The following NRXN3 variants were observed in gnomAD, a reference collection of about 807,000 sequenced individuals.
NRXN3 encodes the protein neurexin III.
NRXN3 carries 32 observed loss-of-function variants against 137.6 expected under a neutral mutation model. The ratio of observed to expected loss-of-function variants is 0.23; its 90% confidence interval spans 0.18 to 0.31. NRXN3 has a LOEUF of 0.31. Among genes scored for constraint, NRXN3 ranks in the 10% least tolerant of loss-of-function variants. NRXN3 has a pLI of 1.00. For synonymous variants in NRXN3, 798 were observed against 784.5 expected (o/e 1.02, Z -0.29); for missense variants, 1,574 against 2,062.5 (o/e 0.76, Z 4.59).
At chr14:78,402,762 A>C (rs1373286381) in intron 4 of NRXN3, among the ~76,000 whole-genome samples, 1 of 152,196 alleles carries the variant, frequency 6.6e-6, no homozygotes, top group African/African-American at 2.4e-5. Flanking sequence ...CATTTCTAAA[A>C]TGGAGAGAAT....
chr14:79,762,200 A>C (rs1272691552), intron 19 of NRXN3, among the ~76,000 whole-genome samples: 2 of 151,646 alleles, frequency 1.3e-5, no homozygotes, highest in South Asian at 2.1e-4. Context: ...CAGTATTAGA[A>C]AAATTGCTAG....
At chr14:79,592,520 T>C (rs2097816023) in intron 16 of NRXN3, among the ~76,000 whole-genome samples, 1 of 152,184 alleles carries the variant, frequency 6.6e-6, no homozygotes, top group African/African-American at 2.4e-5. Flanking sequence ...ATAAAAAGAC[T>C]TTTTCTTTGT....
chr14:79,610,613 T>G (rs1310446740), intron 16 of NRXN3, among the ~76,000 whole-genome samples: 1 of 152,192 alleles, frequency 6.6e-6, no homozygotes, highest in Non-Finnish European at 1.5e-5. Context: ...AGTATAATAT[T>G]TCATACTTAC....
chr14:79,241,240 C>T (rs1313300254), intron 15 of NRXN3, among the ~76,000 whole-genome samples: 1 of 152,140 alleles, frequency 6.6e-6, no homozygotes, highest in African/African-American at 2.4e-5. Context: ...GCCACATAGT[C>T]CTCCAGAGTG....
chr14:78,467,337 C>T (rs903367145), intron 4 of NRXN3, among the ~76,000 whole-genome samples: 1 of 152,164 alleles, frequency 6.6e-6, no homozygotes, highest in Non-Finnish European at 1.5e-5. Context: ...TCTCAAGTTT[C>T]GTGCTCTGCT....
At position 79,080,247 on chromosome 14, in the gene NRXN3, A is replaced by G. The variant is rs2046721733; in HGVS notation, c.3262+92106A>G. 1.3e-5 allele frequency among the ~76,000 whole-genome samples: 2 copies of G among 152,178 alleles called. 1 individual carries two copies. Among genetic ancestry groups the G allele is most frequent in the South Asian group, 4.1e-4 (2 of 4,828 alleles). On this transcript the variant is annotated intron_variant, in intron 15 of 20. Coordinates refer to ENST00000335750, the MANE Select transcript of NRXN3 (RefSeq NM_001330195.2). The stretch of plus-strand genomic sequence containing the variant: ...GGTTCTACTGAGGTTAAGCGTCTAA[A>G]GTGTCCTTGACTCACTCAATTTCAA...
intron 10 of NRXN3, among the ~76,000 whole-genome samples, chr14:78,844,915 TTAA>T (rs1273936468): frequency 2.0e-5 from 3 of 152,112 alleles, no homozygotes; most frequent in African/African-American, 4.8e-5. Flanking sequence ...CATGCCTCAT[TTAA>T]TAATATTTCC....
intron 15 of NRXN3, among the ~76,000 whole-genome samples, chr14:79,460,892 C>G (rs1309068488): frequency 2.0e-5 from 3 of 152,194 alleles, no homozygotes; most frequent in Non-Finnish European, 2.9e-5. Flanking sequence ...TGAACTTTCT[C>G]TCTTAATGTT....
At chr14:79,125,048 A>G (rs1181779448) in intron 15 of NRXN3, among the ~76,000 whole-genome samples, 1 of 152,216 alleles carries the variant, frequency 6.6e-6, no homozygotes, top group Non-Finnish European at 1.5e-5. Flanking sequence ...GTGTTTATAC[A>G]TATGTACATA....
At chr14:79,378,891 A>T (rs66538779) in intron 15 of NRXN3, among the ~76,000 whole-genome samples, 1 of 146,260 alleles carries the variant, frequency 6.8e-6, no homozygotes. Flanking sequence ...AAAAAAAAAA[A>T]CCCTGAAGAG....
rs2053235416 is a variant in NRXN3, at chr14:79,110,286, A to C, written c.3262+122145A>C. ...GAAGAACACACATAAGAAACTACAA[A>C]GAGCATCTGCGAGACGGCTTGTGTG... On this transcript the variant is annotated intron_variant, in intron 15 of 20. Transcript: ENST00000335750. 2.0e-5 allele frequency among the ~76,000 whole-genome samples: 3 copies of C among 152,246 alleles called. No homozygotes were observed. In the South Asian group the frequency reaches 6.2e-4, roughly 32 times the overall value.
At chr14:78,685,252 C>T (rs1189846856) in intron 6 of NRXN3, among the ~76,000 whole-genome samples, 1 of 152,144 alleles carries the variant, frequency 6.6e-6, no homozygotes, top group Non-Finnish European at 1.5e-5. Flanking sequence ...GCCCCTGGAT[C>T]TCCCTCTCTC....
At chr14:79,185,944 C>T (rs1471575071) in intron 15 of NRXN3, among the ~76,000 whole-genome samples, 1 of 152,056 alleles carries the variant, frequency 6.6e-6, no homozygotes, top group African/African-American at 2.4e-5. Flanking sequence ...TAGCTGTATG[C>T]TATTTTGAGA....
chr14:79,650,852 T>C (rs920116922), intron 16 of NRXN3, among the ~76,000 whole-genome samples: 12 of 152,228 alleles, frequency 7.9e-5, no homozygotes, highest in African/African-American at 2.9e-4. Context: ...AAATGGATGG[T>C]GGTTGAAGTA....
intron 15 of NRXN3, among the ~76,000 whole-genome samples, chr14:79,318,515 C>A (rs1021849946): frequency 6.6e-6 from 1 of 152,188 alleles, no homozygotes; most frequent in African/African-American, 2.4e-5. Flanking sequence ...ACTTCTTTCC[C>A]TTTTAGCATC....
chr14:79,399,790 T>G (rs2153488630), intron 15 of NRXN3, among the ~76,000 whole-genome samples: 1 of 152,258 alleles, frequency 6.6e-6, no homozygotes, highest in African/African-American at 2.4e-5. Context: ...AAAATCAGTT[T>G]CTCCCAGTTC....
intron 15 of NRXN3, among the ~76,000 whole-genome samples, chr14:79,403,963 G>T (rs536132955): frequency 2.0e-5 from 3 of 152,078 alleles, no homozygotes; most frequent in Non-Finnish European, 4.4e-5. Flanking sequence ...GCATTACTGG[G>T]CTCTTAAAAG....
intron 15 of NRXN3, among the ~76,000 whole-genome samples, chr14:79,293,793 T>C (rs1018650515): frequency 1.3e-5 from 2 of 152,244 alleles, no homozygotes; most frequent in South Asian, 2.1e-4. Context: ...GCTTTCTCTC[T>C]GCCCCAGCAG....
At chr14:78,371,773 A>C (rs1311628494) in intron 4 of NRXN3, among the ~76,000 whole-genome samples, 1 of 152,102 alleles carries the variant, frequency 6.6e-6, no homozygotes, top group African/African-American at 2.4e-5. Context: ...GAGCCAGTGC[A>C]CTCCAGTTCC....
Sources: allele counts gnomAD v4.1 joint callset (sites outside exome capture counted in the v4.1 genomes callset), GRCh38; gene constraint gnomAD v4.1.1; transcripts MANE v1.5; gene names NCBI Gene and HGNC (gene_info 2026-07-23, HGNC 2026-07-21).